Variants in TSC22D2 observed in about 807,000 individuals in gnomAD.
TSC22D2 encodes TSC22 domain family member 2.
Under a neutral mutation model 50.1 loss-of-function variants are expected in TSC22D2, and 5 were observed. The ratio of observed to expected loss-of-function variants is 0.10; its 90% CI spans 0.05 to 0.21. TSC22D2 has a LOEUF of 0.21. TSC22D2 is among the 10% of genes least tolerant of loss of function. The pLI, the probability that TSC22D2 is intolerant of heterozygous loss-of-function variation, is 1.00. For missense variants in TSC22D2, 1,003 were observed against 1,015.5 expected (o/e 0.99, Z 0.17); for synonymous variants, 501 against 450.1 (o/e 1.11, Z -1.43).
rs1174964852 is a variant in TSC22D2 at position 150,461,793 on chromosome 3, A to G, written c.*3157A>G. 6.6e-6 allele frequency: 1 copy of G among 152,106 alleles called. No individual in the cohort carries two copies. The highest frequency in any genetic ancestry group is 1.5e-5 in the Non-Finnish European group (1 of 68,024). The allele number at this position is 152,106 out of a possible 1,614,324, so 9.4% of individuals were successfully genotyped here. A position where few individuals can be genotyped will look rare whatever the true frequency, so the allele number is the denominator to read the frequency against. On this transcript the variant is annotated 3_prime_UTR_variant, in exon 3 of 3. Transcript: ENST00000688009. ...GCTGCCATTATTCACAAGAATTTTC[A>G]CAGGTGAATGATTATATTTCTCCAA... is the stretch of plus-strand genomic sequence containing the variant.
At chr3:150,452,337 C>T (rs143442727) in intron 1 of TSC22D2, among the ~76,000 whole-genome samples, 440 of 151,882 alleles carry the variant, frequency 2.9e-3, no homozygotes, top group Non-Finnish European at 5.1e-3. Flanking sequence ...CCCAGCTACT[C>T]GGGAGGCCGA....
chr3:150,414,383 G>A (rs541437812), intron 1 of TSC22D2, among the ~76,000 whole-genome samples: 48 of 152,278 alleles, frequency 3.2e-4, no homozygotes, highest in African/African-American at 1.1e-3. Flanking sequence ...GTAAATGAGA[G>A]GAGGTGCAAA....
intron 1 of TSC22D2, among the ~76,000 whole-genome samples, chr3:150,426,212 T>G (rs1246588126): frequency 6.6e-6 from 1 of 152,226 alleles, no homozygotes; most frequent in Non-Finnish European, 1.5e-5. Flanking sequence ...TTAAAATAAA[T>G]ACTATAACTT....
rs118137295 is a variant in TSC22D2, at chr3:150,451,414, A to C, written c.1959-5662A>C. Among the ~76,000 whole-genome samples the C allele has an allele frequency of 3.3e-4, 50 of 152,268 alleles. No homozygotes were observed. The East Asian group carries it at 8.7e-3, about 26-fold the overall frequency. On this transcript the variant is annotated intron_variant, in intron 1 of 2. Transcript: ENST00000688009. Reference sequence around the variant, plus strand: ...TTCCCTCCCTTATTCTCAGAGCTGAACCTCTTCTAGGAATTTGCCAGATAA... The same window carrying C: ...TTCCCTCCCTTATTCTCAGAGCTGACCCTCTTCTAGGAATTTGCCAGATAA...
Position 150,408,703 on chromosome 3 carries a change from G to C in TSC22D2, c.-648G>C, listed in dbSNP as rs902154615. The C allele has an allele frequency of 2.0e-5, 3 of 153,070 alleles. No homozygotes were observed. The highest frequency in any genetic ancestry group is 7.2e-5 in the African/African-American group (3 of 41,482). 9.5% of individuals were successfully genotyped at this position (153,070 alleles called of 1,614,324 possible). On this transcript the variant is annotated 5_prime_UTR_variant, in exon 1 of 3. Transcript: ENST00000688009. ...GGGGCTGAGCTCCGGCTAGAGCCGG[G>C]GAGGGAGGGCCGCCTGCCCGCGCCA...
chr3:150,434,451 C>T (rs190473827), intron 1 of TSC22D2, among the ~76,000 whole-genome samples: 1 of 152,270 alleles, frequency 6.6e-6, no homozygotes, highest in Admixed American at 6.5e-5. Context: ...CCCAAATATT[C>T]AGCTTTCTGT....
chr3:150,431,361 T>C (rs1655048215), intron 1 of TSC22D2, among the ~76,000 whole-genome samples: 1 of 152,024 alleles, frequency 6.6e-6, no homozygotes, highest in African/African-American at 2.4e-5. Flanking sequence ...GGGTATCTTA[T>C]ATTAATGTGC....
At chr3:150,442,624 G>C (rs561618800) in intron 1 of TSC22D2, among the ~76,000 whole-genome samples, 2 of 152,200 alleles carry the variant, frequency 1.3e-5, no homozygotes, top group Admixed American at 1.3e-4. Flanking sequence ...CTCAGTACCC[G>C]GTCCTATTAT....
intron 1 of TSC22D2, among the ~76,000 whole-genome samples, chr3:150,448,012 C>G (rs865864704): frequency 2.9e-4 from 44 of 152,196 alleles, no homozygotes; most frequent in African/African-American, 1.1e-3. Flanking sequence ...AAATCTCTTT[C>G]AAGAGAGCCT....
chr3:150,410,630 T>C lies in TSC22D2; in HGVS notation c.1280T>C (p.Met427Thr). 2.6e-6 allele frequency: 4 copies of C among 1,554,492 alleles called. No individual in the cohort carries two copies. The highest frequency in any genetic ancestry group is 1.4e-5 in the African/African-American group (1 of 73,670). ...GCTTCCTCGGTGGGCGCGCAGCTCATGGGCGCGTCTTCCCAGCCCAGCGAA... is the reference window on the plus strand; with the variant it reads ...GCTTCCTCGGTGGGCGCGCAGCTCACGGGCGCGTCTTCCCAGCCCAGCGAA... ...QNASSVGAQL[M>T]GASSQPSEAM... Residue 427 changes from methionine to threonine, a missense_variant, in exon 1 of 3, where the codon ATG (methionine) becomes ACG (threonine). Met to Thr is a moderately conservative substitution (Grantham distance 81). Transcript: ENST00000688009.
intron 1 of TSC22D2, among the ~76,000 whole-genome samples, chr3:150,434,968 T>C (rs1398289607): frequency 6.6e-6 from 1 of 152,054 alleles, no homozygotes; most frequent in Non-Finnish European, 1.5e-5. Context: ...TCTTTTTATA[T>C]GTGTCTTTTT....
At chr3:150,423,230 T>C (rs1390269645) in intron 1 of TSC22D2, 3 of 718,242 alleles carry the variant, frequency 4.2e-6, no homozygotes, top group African/African-American at 3.6e-5. Context: ...AGGGGGGAAA[T>C]CACATGGTAT....
chr3:150,429,169 G>T (rs1460893907), intron 1 of TSC22D2, among the ~76,000 whole-genome samples: 6 of 152,090 alleles, frequency 3.9e-5, no homozygotes, highest in Non-Finnish European at 8.8e-5. Context: ...AGTAAATGTT[G>T]ATCTGAATAG....
Position 150,459,846 on chromosome 3 carries a change from A to G in TSC22D2, c.*1210A>G, listed in dbSNP as rs959037768. 2.8e-5 allele frequency: 4 copies of G among 144,954 alleles called. No individual in the cohort carries two copies. The highest frequency in any genetic ancestry group is 7.7e-5 in the African/African-American group (3 of 39,074). The allele number at this position is 144,954 out of a possible 1,614,324, so 9.0% of individuals were successfully genotyped here. ...AGTTGTAAAAAAAAAAAAAAAAAAA[A>G]GTGAGCCATCTTTTGTTCATTTAAA... On this transcript the variant is annotated 3_prime_UTR_variant, in exon 3 of 3. Transcript: ENST00000688009.
At chr3:150,432,053 C>G (rs375181475) in intron 1 of TSC22D2, among the ~76,000 whole-genome samples, 2 of 152,268 alleles carry the variant, frequency 1.3e-5, no homozygotes, top group African/African-American at 2.4e-5. Flanking sequence ...AACCACAAAT[C>G]TAAATCTCAT....
intron 1 of TSC22D2, among the ~76,000 whole-genome samples, chr3:150,434,400 C>T (rs966974894): frequency 1.3e-5 from 2 of 152,156 alleles, no homozygotes; most frequent in African/African-American, 2.4e-5. Context: ...GCCCTGACCT[C>T]TCAAAGTTCT....
chr3:150,428,707 G>A (rs180884479), intron 1 of TSC22D2, among the ~76,000 whole-genome samples: 124 of 152,094 alleles, frequency 8.2e-4, no homozygotes, highest in Non-Finnish European at 1.6e-3. Context: ...ATGTTGAAAT[G>A]ATGGTGACTA....
At position 150,410,758 on chromosome 3, in the gene TSC22D2, C is replaced by T; in HGVS notation, c.1408C>T (p.Leu470Phe). Residue 470 changes from leucine (L) to phenylalanine (F), a missense_variant, in exon 1 of 3, where the codon CTC becomes TTC. By Grantham distance (22) the Leu-to-Phe change is conservative (BLOSUM62 0). Transcript: ENST00000688009. The part of the protein sequence containing the change: ...ATVGGVVQPC[L>F]GPAGAGQPQS... ...TGTGGGAGGCGTGGTGCAGCCGTGC[C>T]TCGGTCCTGCCGGGGCTGGGCAGCC... 2 of 1,608,780 alleles carry T rather than the reference C, an allele frequency of 1.2e-6. No homozygotes were observed. The highest frequency in any genetic ancestry group is 8.5e-7 in the Non-Finnish European group (1 of 1,178,034).
At chr3:150,416,803 C>G (rs1719821410) in intron 1 of TSC22D2, among the ~76,000 whole-genome samples, 1 of 152,008 alleles carries the variant, frequency 6.6e-6, no homozygotes, top group Non-Finnish European at 1.5e-5. Flanking sequence ...TGGATTGTTT[C>G]CTGTATGAAA....
Sources: gnomAD v4.1 joint callset for allele counts (sites outside exome capture counted in the v4.1 genomes callset) on GRCh38, gnomAD v4.1.1 for gene constraint, MANE v1.5 for transcripts, NCBI Gene and HGNC (gene_info 2026-07-23, HGNC 2026-07-21) for gene names.